PALM2AKAP2: variants seen among roughly 807,000 people sequenced by gnomAD.
The protein encoded by PALM2AKAP2 is PALM2-AKAP2 fusion protein.
A neutral mutation model predicts 71.5 loss-of-function variants in PALM2AKAP2; 37 were observed. That is an observed-to-expected ratio of 0.52 (90% confidence interval 0.40 to 0.68). The LOEUF (loss-of-function observed/expected upper bound fraction) is 0.68. Ranked by LOEUF, PALM2AKAP2 falls within the 30% of genes least tolerant of loss-of-function variation. The probability of loss-of-function intolerance (pLI) is 0.00; values close to 1 mark genes in which losing one functional copy is unlikely to be tolerated. For synonymous variants in PALM2AKAP2, 468 were observed against 478.8 expected, an observed-to-expected ratio of 0.98 and a Z score of 0.29; for missense variants, 1,224 against 1,191.8, an observed-to-expected ratio of 1.03 and a Z score of -0.40.
chr9:109,959,471 C>T lies in PALM2AKAP2; in HGVS notation c.496+27443C>T, dbSNP rs143530735. Among the ~76,000 whole-genome samples, 889 of 151,970 alleles carry T rather than the reference C, an allele frequency of 5.8e-3. 13 individuals carry two copies. Among genetic ancestry groups the T allele is most frequent in the African/African-American group, 0.02 (843 of 41,440 alleles). On this transcript the variant is annotated intron_variant, in intron 6 of 9. Transcript: ENST00000302798. Reference sequence around the variant, plus strand: ...CATCCTAGCCTATACAGTGAAACCCCGTCTCTACTAAAAATACAAAAAAAC... The same window carrying T: ...CATCCTAGCCTATACAGTGAAACCCTGTCTCTACTAAAAATACAAAAAAAC...
chr9:110,156,190 A>G (rs990412213), intron 2 of PALM2AKAP2, 129 bp from the exon 9 acceptor site: 4 of 1,316,482 alleles, frequency 3.0e-6, no homozygotes, highest in East Asian at 5.0e-5. Flanking sequence ...AAAATGGCCT[A>G]CACTTAACCA....
chr9:110,027,199 C>A (rs932667002), intron 7 of PALM2AKAP2, among the ~76,000 whole-genome samples: 4 of 152,190 alleles, frequency 2.6e-5, no homozygotes, highest in African/African-American at 9.7e-5. Flanking sequence ...CTGGAAATGT[C>A]TTGGCCTTAT....
chr9:109,938,681 A>G (rs563742590), intron 6 of PALM2AKAP2, among the ~76,000 whole-genome samples: 119 of 152,256 alleles, frequency 7.8e-4, no homozygotes, highest in African/African-American at 2.7e-3. Flanking sequence ...ATTGCACACC[A>G]AAAAACCATT....
chr9:109,664,333 T>G (rs1293943193), intron 1 of PALM2AKAP2, among the ~76,000 whole-genome samples: 2 of 152,224 alleles, frequency 1.3e-5, no homozygotes, highest in Non-Finnish European at 2.9e-5. Flanking sequence ...GTACCGGTTG[T>G]TTCTTTCCAT....
At chr9:109,688,291 C>T (rs751891461) in intron 1 of PALM2AKAP2, among the ~76,000 whole-genome samples, 1 of 152,174 alleles carries the variant, frequency 6.6e-6, no homozygotes, top group Non-Finnish European at 1.5e-5. Context: ...ATAAGGTATG[C>T]CTGTGTTCTT....
At chr9:109,994,605 G>A (rs941792167) in intron 6 of PALM2AKAP2, among the ~76,000 whole-genome samples, 1 of 152,098 alleles carries the variant, frequency 6.6e-6, no homozygotes, top group African/African-American at 2.4e-5. Context: ...CCTGCCAAGA[G>A]CATTGAGCGT....
chr9:110,099,490 TAAG>T (rs139463668), intron 1 of PALM2AKAP2, among the ~76,000 whole-genome samples: 1,923 of 152,262 alleles, frequency 0.013, 37 homozygotes, highest in African/African-American at 0.043. Flanking sequence ...GAAGGATACA[TAAG>T]AAGGTACAAG....
intron 1 of PALM2AKAP2, among the ~76,000 whole-genome samples, chr9:110,087,328 G>T (rs190481062): frequency 1.3e-5 from 2 of 152,344 alleles, no homozygotes; most frequent in East Asian, 3.9e-4. Flanking sequence ...GGCCCCAAAG[G>T]TTTGAGGACC....
chr9:109,788,518 A>G (rs1827025646), intron 1 of PALM2AKAP2, among the ~76,000 whole-genome samples: 1 of 152,118 alleles, frequency 6.6e-6, no homozygotes, highest in Admixed American at 6.5e-5. Context: ...CTGTAGGTCT[A>G]GGGTGATGTG....
chr9:109,860,693 C>G (rs1829285033), intron 1 of PALM2AKAP2, among the ~76,000 whole-genome samples: 1 of 152,166 alleles, frequency 6.6e-6, no homozygotes, highest in Admixed American at 6.5e-5. Flanking sequence ...CAGTGCTTTA[C>G]TTCTTCATCT....
intron 2 of PALM2AKAP2, among the ~76,000 whole-genome samples, chr9:110,138,898 G>T (rs907989188): frequency 3.3e-5 from 5 of 152,314 alleles, no homozygotes; most frequent in African/African-American, 1.2e-4. Context: ...CCCATGTGTG[G>T]ACTATGTTGG....
At chr9:110,058,561 G>A (rs528902648) in intron 1 of PALM2AKAP2, among the ~76,000 whole-genome samples, 96 of 152,222 alleles carry the variant, frequency 6.3e-4, no homozygotes, top group African/African-American at 2.0e-3. Context: ...GGGGAGGAAC[G>A]CAAATAATGA....
chr9:110,040,934 T>C (rs918899008), intron 7 of PALM2AKAP2, among the ~76,000 whole-genome samples: 1 of 152,222 alleles, frequency 6.6e-6, no homozygotes. Context: ...GAGTACCTTG[T>C]TGTATGCTGT....
intron 1 of PALM2AKAP2, among the ~76,000 whole-genome samples, chr9:109,704,992 T>G (rs1297343993): frequency 6.6e-6 from 1 of 152,162 alleles, no homozygotes; most frequent in Non-Finnish European, 1.5e-5. Flanking sequence ...CTGCAGGACC[T>G]TGGTTGCATT....
intron 7 of PALM2AKAP2, among the ~76,000 whole-genome samples, chr9:110,037,286 A>G (rs773922163): frequency 1.3e-5 from 2 of 152,122 alleles, no homozygotes; most frequent in Non-Finnish European, 2.9e-5. Flanking sequence ...CCGCAACCAC[A>G]ACCTCTGCCT....
intron 1 of PALM2AKAP2, among the ~76,000 whole-genome samples, chr9:109,839,947 A>G (rs1408379526): frequency 2.6e-5 from 4 of 152,216 alleles, no homozygotes; most frequent in Non-Finnish European, 4.4e-5. Context: ...ACCCAAAGTA[A>G]TTTATAGATT....
At chr9:109,871,373 C>G (rs975784933) in intron 2 of PALM2AKAP2, among the ~76,000 whole-genome samples, 36 of 152,086 alleles carry the variant, frequency 2.4e-4, no homozygotes, top group African/African-American at 8.2e-4. Flanking sequence ...AAATTAAACT[C>G]AGATGTATTT....
At chr9:110,110,111 CAT>C (rs756163336) in intron 1 of PALM2AKAP2, among the ~76,000 whole-genome samples, 79 of 152,326 alleles carry the variant, frequency 5.2e-4, no homozygotes, top group Non-Finnish European at 9.6e-4. Context: ...TCTCCTCACA[CAT>C]ATGTGAGGTA....
At chr9:110,073,332 C>T (rs1834248585) in intron 1 of PALM2AKAP2, among the ~76,000 whole-genome samples, 2 of 152,178 alleles carry the variant, frequency 1.3e-5, no homozygotes, top group South Asian at 4.1e-4. Flanking sequence ...CCTGGGAGTT[C>T]CTGGACACCC....
Sources: gnomAD v4.1 joint callset for allele counts (sites outside exome capture counted in the v4.1 genomes callset) on GRCh38, gnomAD v4.1.1 for gene constraint, MANE v1.5 for transcripts, NCBI Gene and HGNC (gene_info 2026-07-23, HGNC 2026-07-21) for gene names.